Variants in CAST observed in about 807,000 individuals in gnomAD.
CAST encodes calpastatin.
Under a neutral mutation model 119.6 loss-of-function variants are expected in CAST, and 76 were observed. The observed-to-expected ratio is 0.64, with a 90% CI of 0.53 to 0.77. The LOEUF is 0.77. CAST is among the 30% of genes least tolerant of loss of function. The pLI is 0.00. For missense variants in CAST, 953 were observed against 946.5 expected (o/e 1.01, Z -0.09); for synonymous variants, 319 against 331.6 (o/e 0.96, Z 0.41).
At chr5:96,085,977 G>A in the CAST span, among the ~76,000 whole-genome samples, 2 of 90,190 alleles carry the variant, frequency 2.2e-5, no homozygotes, top group Non-Finnish European at 5.1e-5. Flanking sequence ...TATCTGCAAG[G>A]GATTGCTTCC....
At chr5:96,521,084 T>G (rs1037316122), upstream of CAST, among the ~76,000 whole-genome samples, 12 of 152,190 alleles carry the variant, frequency 7.9e-5, no homozygotes, top group Admixed American at 3.3e-4. Context: ...ACATCTTGTA[T>G]AGACCACTAC....
At chr5:96,121,119 A>AT in the CAST span, among the ~76,000 whole-genome samples, 4 of 152,074 alleles carry the variant, frequency 2.6e-5, no homozygotes. Flanking sequence ...TTTCTTATTG[A>AT]TTTTTAAAAG....
At chr5:96,266,800 A>G in the CAST span, among the ~76,000 whole-genome samples, 2 of 152,226 alleles carry the variant, frequency 1.3e-5, no homozygotes, top group African/African-American at 2.4e-5. Context: ...AAATAGAGCC[A>G]TGACCTCTCC....
chr5:96,636,091 C>T (rs1357267256), intron 1 of CAST, among the ~76,000 whole-genome samples: 1 of 152,144 alleles, frequency 6.6e-6, no homozygotes, highest in African/African-American at 2.4e-5. Context: ...AGTGATAGTA[C>T]CAACCTCATA....
chr5:96,117,468 T>A, the CAST span, among the ~76,000 whole-genome samples: 7 of 152,188 alleles, frequency 4.6e-5, no homozygotes, highest in Non-Finnish European at 1.0e-4. Flanking sequence ...AGCTGGTAGC[T>A]GTTCAGTTCT....
chr5:96,192,646 C>T, the CAST span, among the ~76,000 whole-genome samples: 1 of 152,166 alleles, frequency 6.6e-6, no homozygotes, highest in African/African-American at 2.4e-5. Context: ...AGTGGGGCCT[C>T]TTTTTATGGG....
the CAST span, among the ~76,000 whole-genome samples, chr5:96,278,394 G>A: frequency 1.2e-4 from 19 of 152,062 alleles, no homozygotes; most frequent in East Asian, 3.9e-4. Flanking sequence ...AGAACACTCC[G>A]GAAACCATGC....
At chr5:96,154,888 GT>G in the CAST span, among the ~76,000 whole-genome samples, 1 of 152,190 alleles carries the variant, frequency 6.6e-6, no homozygotes, top group Non-Finnish European at 1.5e-5. Context: ...ACCATGTCAG[GT>G]TTCCCCACTA....
upstream of CAST, among the ~76,000 whole-genome samples, chr5:96,661,715 A>G (rs960506298): frequency 3.3e-5 from 5 of 152,252 alleles, no homozygotes; most frequent in Admixed American, 2.0e-4. Context: ...GCCAGACTCT[A>G]GAAAGACTAT....
At chr5:96,136,010 G>A in the CAST span, among the ~76,000 whole-genome samples, 12 of 151,288 alleles carry the variant, frequency 7.9e-5, no homozygotes, top group East Asian at 1.9e-4. Flanking sequence ...GTGGTGAGCC[G>A]AGATCACACC....
At chr5:96,292,042 C>A in the CAST span, among the ~76,000 whole-genome samples, 4 of 152,186 alleles carry the variant, frequency 2.6e-5, no homozygotes, top group South Asian at 8.3e-4. Flanking sequence ...CCTTTTTTCA[C>A]CCTTCTCCTT....
chr5:96,519,028 T>G, the CAST span, among the ~76,000 whole-genome samples: 1 of 152,026 alleles, frequency 6.6e-6, no homozygotes, highest in Non-Finnish European at 1.5e-5. Flanking sequence ...GCCACAGCCC[T>G]CCAGCCTGGG....
chr5:96,244,439 A>G, the CAST span, among the ~76,000 whole-genome samples: 5 of 152,216 alleles, frequency 3.3e-5, no homozygotes. Context: ...GAATTATCCG[A>G]CACAGAAAAA....
At chr5:96,633,617 C>T (rs1212908607) in intron 1 of CAST, among the ~76,000 whole-genome samples, 5 of 152,182 alleles carry the variant, frequency 3.3e-5, no homozygotes, top group African/African-American at 1.2e-4. Flanking sequence ...TGTATTATAA[C>T]ATATTACAAT....
At chr5:96,431,976 C>T in the CAST span, 1 of 751,444 alleles carries the variant, frequency 1.3e-6, no homozygotes, top group Non-Finnish European at 2.3e-6. Flanking sequence ...AGCAGTCTCC[C>T]ACTTAATGTC....
chr5:96,352,828 A>C, the CAST span, among the ~76,000 whole-genome samples: 1 of 152,206 alleles, frequency 6.6e-6, no homozygotes, highest in East Asian at 1.9e-4. Flanking sequence ...GTGAGTTCTC[A>C]TGAGACCTGA....
chr5:95,992,267 C>T, the CAST span, among the ~76,000 whole-genome samples: 5 of 152,056 alleles, frequency 3.3e-5, no homozygotes, highest in Admixed American at 6.6e-5. Context: ...TCCTCCCAAC[C>T]GATACATAGA....
chr5:96,586,100 G>T (rs1691671392), intron 1 of CAST, among the ~76,000 whole-genome samples: 1 of 152,044 alleles, frequency 6.6e-6, no homozygotes, highest in Non-Finnish European at 1.5e-5. Flanking sequence ...TTTTTCACCA[G>T]CTCCCTATAA....
chr5:96,708,456 T>G (rs1243067113), intron 3 of CAST, among the ~76,000 whole-genome samples: 1 of 152,192 alleles, frequency 6.6e-6, no homozygotes, highest in Non-Finnish European at 1.5e-5. Context: ...ATTTTTAAAA[T>G]TTATTAAAAG....
Sources: gnomAD v4.1 joint callset for allele counts (sites outside exome capture counted in the v4.1 genomes callset) on GRCh38, gnomAD v4.1.1 for gene constraint, MANE v1.5 for transcripts, NCBI Gene and HGNC (gene_info 2026-07-23, HGNC 2026-07-21) for gene names.